Variants in EFCAB8 observed in about 807,000 individuals in gnomAD.
The protein encoded by EFCAB8 is EF-hand calcium binding domain 8.
Under a neutral mutation model 116.3 loss-of-function variants are expected in EFCAB8, and 100 were observed. That is an observed-to-expected ratio of 0.86 (90% CI 0.73 to 1.02). The LOEUF is 1.02. Among genes scored for constraint, EFCAB8 ranks in the 50% least tolerant of loss-of-function variants. The pLI is 0.00. For missense variants in EFCAB8, 1,320 were observed against 1,416.9 expected (o/e 0.93, Z 1.10); for synonymous variants, 558 against 567.9 (o/e 0.98, Z 0.25).
chr20:32,898,109 G>A (rs1254880296), intron 10 of EFCAB8, among the ~76,000 whole-genome samples: 1 of 152,190 alleles, frequency 6.6e-6, no homozygotes, highest in Non-Finnish European at 1.5e-5. Flanking sequence ...GGGTGGCAGT[G>A]GGCTGGGAGC....
At chr20:32,863,921 G>A in intron 2 of EFCAB8, 87 bp downstream of exon 2, 1 of 1,439,576 alleles carries the variant, frequency 6.9e-7, no homozygotes. Context: ...AAGTATAGGT[G>A]TTTCTGCATC....
intron 22 of EFCAB8, among the ~76,000 whole-genome samples, chr20:32,938,895 T>C (rs1307539071): frequency 6.7e-6 from 1 of 149,370 alleles, no homozygotes; most frequent in Non-Finnish European, 1.5e-5. Flanking sequence ...TGCTTTCTCT[T>C]CTCTTTTCTC....
intron 3 of EFCAB8, among the ~76,000 whole-genome samples, chr20:32,874,675 G>A (rs1984858885): frequency 6.6e-6 from 1 of 152,092 alleles, no homozygotes; most frequent in African/African-American, 2.4e-5. Context: ...CCAAGTAGCT[G>A]GGATTACAGG....
intron 4 of EFCAB8, among the ~76,000 whole-genome samples, chr20:32,877,226 T>TTTTC (rs1985025089): frequency 3.4e-5 from 5 of 148,292 alleles, no homozygotes; most frequent in Admixed American, 3.4e-4. Context: ...TTTTTTTTTT[T>TTTTC]GAGATGGAGT....
At chr20:32,884,479 A>G (rs1568907658) in intron 5 of EFCAB8, among the ~76,000 whole-genome samples, 1 of 152,200 alleles carries the variant, frequency 6.6e-6, no homozygotes, top group East Asian at 1.9e-4. Flanking sequence ...AATATTCATC[A>G]CAATCTACCC....
At chr20:32,901,567 G>A (rs566401499) in intron 11 of EFCAB8, among the ~76,000 whole-genome samples, 2 of 149,068 alleles carry the variant, frequency 1.3e-5, no homozygotes, top group South Asian at 4.1e-4. Flanking sequence ...CTGCCTTCCT[G>A]ACCTCATTGC....
intron 9 of EFCAB8, among the ~76,000 whole-genome samples, chr20:32,896,226 G>A (rs1052726844): frequency 2.0e-5 from 3 of 152,174 alleles, no homozygotes; most frequent in African/African-American, 7.2e-5. Flanking sequence ...CCATGCACTG[G>A]CAGGGGCACT....
rs1401359649 is a variant in EFCAB8, at chr20:32,875,897, G to C, written c.209-29G>C. On this transcript the variant is annotated intron_variant, in intron 3 of 26. Coordinates refer to ENST00000400522, the MANE Select transcript of EFCAB8 (RefSeq NM_001143967.2). ...TGGGCCGAGGGACTTGTGAGGAAGG[G>C]GATGATGCTCTCTGTTCTCTCTTTG... 5 of 1,543,212 alleles carry C rather than the reference G, an allele frequency of 3.2e-6. No homozygotes were observed. The African/African-American group carries it at 5.5e-5, about 17-fold the overall frequency.
At chr20:32,898,799 A>G (rs1356534000) in intron 11 of EFCAB8, among the ~76,000 whole-genome samples, 176 bp downstream of exon 11, 1 of 152,184 alleles carries the variant, frequency 6.6e-6, no homozygotes, top group Non-Finnish European at 1.5e-5. Context: ...TTTATCTCCC[A>G]ATCTATATGC....
At chr20:32,939,198 T>C (rs1277102582) in intron 22 of EFCAB8, among the ~76,000 whole-genome samples, 2 of 74,812 alleles carry the variant, frequency 2.7e-5, no homozygotes, top group Admixed American at 1.3e-4. Flanking sequence ...TTTCTTTCTT[T>C]CTTTCCTCTC....
rs138080423 is a variant in EFCAB8, at chr20:32,880,355, G to A, written c.431+1548G>A. On this transcript the variant is annotated intron_variant, in intron 5 of 26. Transcript: ENST00000400522. ...TTGATCTTGGCTCACTGCAACCTCC[G>A]CCCCCCGGGTTCAAGCGATTCTCCC... Among the ~76,000 whole-genome samples, 655 of 151,106 alleles carry A rather than the reference G, an allele frequency of 4.3e-3. 4 individuals are homozygous for A. The highest frequency in any genetic ancestry group is 0.014 in the African/African-American group (590 of 41,156).
intron 20 of EFCAB8, among the ~76,000 whole-genome samples, chr20:32,921,963 G>A (rs1414363495): frequency 6.6e-6 from 1 of 151,668 alleles, no homozygotes; most frequent in Non-Finnish European, 1.5e-5. Flanking sequence ...CAGAGTAGCT[G>A]GGACCATAAG....
At chr20:32,882,859 C>G (rs996551142) in intron 5 of EFCAB8, among the ~76,000 whole-genome samples, 1 of 152,068 alleles carries the variant, frequency 6.6e-6, no homozygotes, top group Admixed American at 6.6e-5. Flanking sequence ...CCATGCCCAG[C>G]GATTTTTTTG....
chr20:32,931,217 C>T lies in EFCAB8; in HGVS notation c.2671C>T (p.Gln891Ter), dbSNP rs991381668. The T allele has an allele frequency of 1.3e-6, 2 of 1,550,406 alleles. No individual in the cohort carries two copies. The highest frequency in any genetic ancestry group is 1.2e-5 in the South Asian group (1 of 83,848). Residue 891 changes from glutamine (Q) to a stop codon, truncating the protein, a stop_gained, in exon 22 of 27, where the codon CAG becomes TAG. Coordinates refer to ENST00000400522, the MANE Select transcript of EFCAB8 (RefSeq NM_001143967.2). LOFTEE classifies it high-confidence loss of function. ...GGATTACTGCGCATTGATTGATAAA[C>T]AGCCATTCCAATCCAGTGGGGCCAA... ...IKDYCALIDK[Q>*]PFQSSGAKVV...
At chr20:32,927,340 T>C (rs185942395) in intron 20 of EFCAB8, among the ~76,000 whole-genome samples, 1 of 152,218 alleles carries the variant, frequency 6.6e-6, no homozygotes, top group Non-Finnish European at 1.5e-5. Flanking sequence ...TATTTATTTA[T>C]TTATTTAATT....
chr20:32,941,923 A>G (rs1056552259), intron 22 of EFCAB8, among the ~76,000 whole-genome samples: 54 of 152,180 alleles, frequency 3.5e-4, no homozygotes, highest in African/African-American at 9.2e-4. Context: ...CTTTTTCACA[A>G]ATGTTTTTTG....
intron 22 of EFCAB8, among the ~76,000 whole-genome samples, chr20:32,939,202 TC>T (rs1555869213): frequency 7.5e-4 from 49 of 65,524 alleles, no homozygotes; most frequent in East Asian, 4.2e-3. Context: ...TTTCTTTCTT[TC>T]CTCTCTCTCT....
At chr20:32,885,476 G>A in intron 5 of EFCAB8, 29 bp from the exon 6 acceptor site, 5 of 1,550,312 alleles carry the variant, frequency 3.2e-6, no homozygotes, top group Non-Finnish European at 4.4e-6. Flanking sequence ...TTTTGCTTGG[G>A]CTCTTCTCTC....
intron 22 of EFCAB8, among the ~76,000 whole-genome samples, chr20:32,940,745 A>G (rs995455528): frequency 6.7e-6 from 1 of 150,126 alleles, no homozygotes; most frequent in African/African-American, 2.5e-5. Flanking sequence ...CCAAATTAAG[A>G]TACGGGTAAA....
Sources: gnomAD v4.1 joint callset for allele counts (sites outside exome capture counted in the v4.1 genomes callset) on GRCh38, gnomAD v4.1.1 for gene constraint, MANE v1.5 for transcripts, NCBI Gene and HGNC (gene_info 2026-07-23, HGNC 2026-07-21) for gene names.